KLHL1: variants seen among roughly 807,000 people sequenced by gnomAD.
The protein encoded by KLHL1 is kelch like family member 1.
A neutral mutation model predicts 77.7 loss-of-function variants in KLHL1; 47 were observed. The ratio of observed to expected loss-of-function variants is 0.60; its 90% CI spans 0.48 to 0.77. The LOEUF is 0.77. KLHL1 is among the 30% of genes least tolerant of loss of function. The probability of loss-of-function intolerance (pLI) is 0.00; values close to 1 mark genes in which losing one functional copy is unlikely to be tolerated. For missense variants in KLHL1, 925 were observed against 910.8 expected, an observed-to-expected ratio of 1.02 and a Z score of -0.20; for synonymous variants, 360 against 325.2, an observed-to-expected ratio of 1.11 and a Z score of -1.15.
At position 69,938,664 on chromosome 13, in the gene KLHL1, T is replaced by C. The variant is rs528439212; in HGVS notation, c.1014+1376A>G. Among the ~76,000 whole-genome samples the C allele has an allele frequency of 2.6e-5, 4 of 152,244 alleles. No homozygotes were observed. The East Asian group carries it at 5.8e-4, about 22-fold the overall frequency. ...TGGCAGTTGGACTTTGATATTTTGG[T>C]TGATGAATTATTTGTTTACTTTGAT... On this transcript the variant is annotated intron_variant, in intron 4 of 10. Transcript: ENST00000377844.
intron 2 of KLHL1, among the ~76,000 whole-genome samples, chr13:69,965,714 T>A (rs1379928957): frequency 6.6e-6 from 1 of 152,084 alleles, no homozygotes; most frequent in Non-Finnish European, 1.5e-5. Flanking sequence ...AAGGAAAAAG[T>A]CTTGAAGTAA....
chr13:69,747,184 T>G (rs1593793600), intron 7 of KLHL1, among the ~76,000 whole-genome samples: 1 of 152,092 alleles, frequency 6.6e-6, no homozygotes, highest in Non-Finnish European at 1.5e-5. Context: ...GCTTTTACAG[T>G]TATACATATT....
At chr13:69,991,442 A>G (rs146135923) in intron 1 of KLHL1, among the ~76,000 whole-genome samples, 4 of 152,044 alleles carry the variant, frequency 2.6e-5, no homozygotes, top group African/African-American at 7.2e-5. Context: ...CTAGACTAAT[A>G]AAGAAGAAAA....
chr13:69,992,810 C>A (rs1372963020), intron 1 of KLHL1, among the ~76,000 whole-genome samples: 1 of 151,456 alleles, frequency 6.6e-6, no homozygotes, highest in Non-Finnish European at 1.5e-5. Flanking sequence ...AGACAACTCA[C>A]AAAATAAGAT....
chr13:69,800,016 C>T (rs1181198509), intron 6 of KLHL1, among the ~76,000 whole-genome samples: 2 of 152,136 alleles, frequency 1.3e-5, no homozygotes, highest in Non-Finnish European at 2.9e-5. Context: ...AACAATTTCA[C>T]CCTGAAACCA....
At chr13:69,955,537 G>C (rs1248495492) in intron 3 of KLHL1, among the ~76,000 whole-genome samples, 1 of 151,082 alleles carries the variant, frequency 6.6e-6, no homozygotes, top group Non-Finnish European at 1.5e-5. Context: ...CACTTTGTTA[G>C]TAACTCTGCA....
At chr13:69,717,812 C>T (rs535478205) in intron 9 of KLHL1, among the ~76,000 whole-genome samples, 1 of 152,054 alleles carries the variant, frequency 6.6e-6, no homozygotes, top group Non-Finnish European at 1.5e-5. Context: ...AAGCATAAAC[C>T]TATTTATTAG....
chr13:70,057,019 G>T (rs1265987290), intron 1 of KLHL1, among the ~76,000 whole-genome samples: 1 of 151,968 alleles, frequency 6.6e-6, no homozygotes, highest in Non-Finnish European at 1.5e-5. Flanking sequence ...TGAAAAGTTC[G>T]TTGTGTGAAA....
At chr13:69,996,634 G>C (rs1012024296) in intron 1 of KLHL1, among the ~76,000 whole-genome samples, 1 of 152,032 alleles carries the variant, frequency 6.6e-6, no homozygotes, top group African/African-American at 2.4e-5. Flanking sequence ...TCAATGTTTT[G>C]CTACAGAAGA....
chr13:70,082,058 TC>T (rs1438554241), intron 1 of KLHL1, among the ~76,000 whole-genome samples: 2 of 151,988 alleles, frequency 1.3e-5, no homozygotes, highest in Non-Finnish European at 2.9e-5. Flanking sequence ...TTGTAGCACT[TC>T]CCCCTTTGCT....
intron 1 of KLHL1, among the ~76,000 whole-genome samples, chr13:69,981,086 A>C (rs979749572): frequency 1.3e-5 from 2 of 152,164 alleles, no homozygotes; most frequent in Non-Finnish European, 2.9e-5. Flanking sequence ...TTGTGGCATA[A>C]ATTGTAATTT....
At position 70,107,226 on chromosome 13, in the gene KLHL1, T is replaced by A. The variant is rs750651036; in HGVS notation, c.474A>T (p.Ala158=). The A allele has an allele frequency of 1.2e-6, 2 of 1,612,422 alleles. No individual in the cohort carries two copies. Among genetic ancestry groups the A allele is most frequent in the Admixed American group, 3.3e-5 (2 of 59,938 alleles). The change falls in exon 1 of 11, where the codon GCA becomes GCT. Residue 158 remains alanine (A), a synonymous_variant. Coordinates refer to ENST00000377844, the MANE Select transcript of KLHL1 (RefSeq NM_020866.3). ...ACCTGTGTCCACATCCTTCACCTGT[T>A]GCCTGGCTAGAGTTGTCTGGCTCCA... ...LKVEPDNSSQ[A]TGEGCGHRLS... is the part of the protein sequence containing the mutation.
intron 7 of KLHL1, among the ~76,000 whole-genome samples, chr13:69,782,133 T>C (rs1335993732): frequency 1.3e-5 from 2 of 148,746 alleles, no homozygotes; most frequent in African/African-American, 5.2e-5. Flanking sequence ...AAGCTCTCTC[T>C]TGGAAGATGA....
intron 2 of KLHL1, among the ~76,000 whole-genome samples, chr13:69,964,844 T>C (rs184312266): frequency 9.9e-4 from 151 of 152,282 alleles, no homozygotes; most frequent in African/African-American, 3.6e-3. Flanking sequence ...TTTAAACAAC[T>C]GGGTCATCTC....
intron 3 of KLHL1, among the ~76,000 whole-genome samples, chr13:69,943,019 A>G (rs1883411247): frequency 6.6e-6 from 1 of 152,028 alleles, no homozygotes; most frequent in South Asian, 2.1e-4. Context: ...AAGAATCCAT[A>G]CTAGTTGTTC....
intron 6 of KLHL1, among the ~76,000 whole-genome samples, chr13:69,820,028 A>T (rs1242562301): frequency 1.3e-5 from 2 of 152,140 alleles, no homozygotes; most frequent in African/African-American, 4.8e-5. Context: ...CAGTCCCTCT[A>T]AGAATCTTGA....
chr13:69,833,182 G>A (rs912476085), intron 6 of KLHL1, among the ~76,000 whole-genome samples: 1 of 152,038 alleles, frequency 6.6e-6, no homozygotes, highest in African/African-American at 2.4e-5. Context: ...CCACAGAGTG[G>A]GAGAAAATCT....
At chr13:69,836,295 G>A (rs567868026) in intron 6 of KLHL1, among the ~76,000 whole-genome samples, 1 of 152,178 alleles carries the variant, frequency 6.6e-6, no homozygotes, top group East Asian at 1.9e-4. Flanking sequence ...AAAAGAGAAT[G>A]GCAGGGCAAC....
chr13:69,707,876 C>T, intron 9 of KLHL1, 80 bp from the exon 10 acceptor site: 1 of 1,240,552 alleles, frequency 8.1e-7, no homozygotes, highest in Non-Finnish European at 1.1e-6. Flanking sequence ...TTTTACAAAG[C>T]CTGTCATGAA....
Sources: gnomAD v4.1 joint callset for allele counts (sites outside exome capture counted in the v4.1 genomes callset) on GRCh38, gnomAD v4.1.1 for gene constraint, MANE v1.5 for transcripts, NCBI Gene and HGNC (gene_info 2026-07-23, HGNC 2026-07-21) for gene names.